TMEM132B: variants seen among roughly 807,000 people sequenced by gnomAD.
TMEM132B encodes the protein transmembrane protein 132B.
In TMEM132B, 18 loss-of-function variants were observed where a neutral mutation model predicts 90.8. The observed-to-expected ratio is 0.20, with a 90% confidence interval of 0.14 to 0.29. The LOEUF (loss-of-function observed/expected upper bound fraction) is 0.29. Among genes scored for constraint, TMEM132B ranks in the 10% least tolerant of loss-of-function variants. The pLI is 1.00. For synonymous variants in TMEM132B, 504 were observed against 523.3 expected (o/e 0.96, Z 0.50); for missense variants, 1,096 against 1,326.8 (o/e 0.83, Z 2.70).
At chr12:125,354,340 C>G (rs1877693356) in intron 2 of TMEM132B, among the ~76,000 whole-genome samples, 1 of 152,232 alleles carries the variant, frequency 6.6e-6, no homozygotes, top group Admixed American at 6.5e-5. Flanking sequence ...TTACCAATCT[C>G]TAACAACTGG....
At chr12:125,591,935 C>T (rs1885327025) in intron 5 of TMEM132B, among the ~76,000 whole-genome samples, 1 of 152,168 alleles carries the variant, frequency 6.6e-6, no homozygotes, top group African/African-American at 2.4e-5. Context: ...AGATCACATT[C>T]ACAGGTGCTG....
chr12:125,274,007 A>G (rs1874920471), intron 1 of TMEM132B, among the ~76,000 whole-genome samples: 1 of 152,074 alleles, frequency 6.6e-6, no homozygotes, highest in African/African-American at 2.4e-5. Flanking sequence ...CCCCAGTCTC[A>G]TTCCCTCTCC....
intron 4 of TMEM132B, among the ~76,000 whole-genome samples, chr12:125,535,666 G>C (rs1883776748): frequency 6.6e-6 from 1 of 152,186 alleles, no homozygotes; most frequent in Non-Finnish European, 1.5e-5. Flanking sequence ...GAAGCTGCTG[G>C]ATTCTTTTCT....
chr12:125,192,595 G>T (rs1441291545), intron 1 of TMEM132B, among the ~76,000 whole-genome samples: 1 of 152,128 alleles, frequency 6.6e-6, no homozygotes, highest in Non-Finnish European at 1.5e-5. Flanking sequence ...CTCTTGCCTT[G>T]GCCTCTCAAA....
At chr12:125,373,501 C>T (rs1878368108) in intron 2 of TMEM132B, among the ~76,000 whole-genome samples, 1 of 152,198 alleles carries the variant, frequency 6.6e-6, no homozygotes, top group African/African-American at 2.4e-5. Flanking sequence ...ACCAGCCATG[C>T]AAACACCTTC....
chr12:125,392,403 A>G (rs377277686), intron 2 of TMEM132B, among the ~76,000 whole-genome samples: 2 of 152,188 alleles, frequency 1.3e-5, no homozygotes, highest in African/African-American at 4.8e-5. Context: ...TTAATGCTCA[A>G]GGCTGCCATC....
At chr12:125,520,284 C>G (rs1243426669) in intron 4 of TMEM132B, among the ~76,000 whole-genome samples, 2 of 152,198 alleles carry the variant, frequency 1.3e-5, no homozygotes, top group Non-Finnish European at 2.9e-5. Context: ...GACAGTAAGT[C>G]CATGGGTACT....
At chr12:125,193,452 C>T (rs1373589858) in intron 1 of TMEM132B, among the ~76,000 whole-genome samples, 2 of 152,090 alleles carry the variant, frequency 1.3e-5, no homozygotes, top group African/African-American at 4.8e-5. Flanking sequence ...GATGAGGAGA[C>T]AAATAAGAAG....
At chr12:125,542,146 A>G (rs1883976095) in intron 4 of TMEM132B, among the ~76,000 whole-genome samples, 1 of 151,626 alleles carries the variant, frequency 6.6e-6, no homozygotes, top group African/African-American at 2.4e-5. Flanking sequence ...TAGAAAAGTT[A>G]GCATGAATTT....
chr12:125,574,852 A>T (rs1291538892), intron 4 of TMEM132B, among the ~76,000 whole-genome samples: 2 of 151,498 alleles, frequency 1.3e-5, no homozygotes, highest in African/African-American at 2.4e-5. Flanking sequence ...GAGCCTTTCT[A>T]CTGATATCTG....
At chr12:125,399,458 AGTGTGT>A (rs139362756) in intron 2 of TMEM132B, among the ~76,000 whole-genome samples, 7 of 132,608 alleles carry the variant, frequency 5.3e-5, no homozygotes, top group South Asian at 2.6e-4. Context: ...TGAAGAAGGA[AGTGTGT>A]GTGTGTGTGT....
In TMEM132B at chr12:125,655,741, T is replaced by C. The variant is rs145037930; in HGVS notation, c.*1031T>C. On this transcript the variant is annotated 3_prime_UTR_variant, in exon 9 of 9. Transcript: ENST00000682704. ...AGAATTGACCTACACAGAAAGGAAATTGCCTAGGCAATAGATGCAGATTAC... is the reference window on the plus strand; with the variant it reads ...AGAATTGACCTACACAGAAAGGAAACTGCCTAGGCAATAGATGCAGATTAC... The C allele has an allele frequency of 3.1e-3, 467 of 152,322 alleles. 2 individuals are homozygous for C. Among genetic ancestry groups the C allele is most frequent in the African/African-American group, 0.01 (427 of 41,588 alleles). 9.4% of individuals were successfully genotyped at this position (152,322 alleles called of 1,614,324 possible).
intron 2 of TMEM132B, among the ~76,000 whole-genome samples, chr12:125,413,563 C>T (rs1393704630): frequency 2.6e-5 from 4 of 152,210 alleles, no homozygotes; most frequent in Non-Finnish European, 2.9e-5. Flanking sequence ...ATGGATTTAC[C>T]TTCTGAATGT....
At chr12:125,435,116 T>G (rs1880663619) in intron 3 of TMEM132B, among the ~76,000 whole-genome samples, 1 of 152,144 alleles carries the variant, frequency 6.6e-6, no homozygotes, top group Admixed American at 6.5e-5. Context: ...GACCACTGTC[T>G]CTTGTTCCCT....
chr12:125,634,325 G>C (rs1345783308), intron 5 of TMEM132B, among the ~76,000 whole-genome samples: 1 of 152,198 alleles, frequency 6.6e-6, no homozygotes, highest in African/African-American at 2.4e-5. Flanking sequence ...CTGCAGGGCA[G>C]TGGGCTCCCC....
At chr12:125,197,797 C>T (rs980018618) in intron 1 of TMEM132B, among the ~76,000 whole-genome samples, 3 of 152,146 alleles carry the variant, frequency 2.0e-5, no homozygotes, top group Non-Finnish European at 2.9e-5. Context: ...TCCAGCTCCT[C>T]GGTATGAGAA....
At chr12:125,300,634 C>T (rs965487926) in intron 1 of TMEM132B, among the ~76,000 whole-genome samples, 28 of 152,214 alleles carry the variant, frequency 1.8e-4, no homozygotes, top group Non-Finnish European at 2.9e-4. Context: ...CTGAGCACAT[C>T]AGGTGACTTG....
chr12:125,281,825 G>C (rs1438520114), intron 1 of TMEM132B, among the ~76,000 whole-genome samples: 2 of 151,790 alleles, frequency 1.3e-5, no homozygotes, highest in Non-Finnish European at 2.9e-5. Context: ...TCAGGAGATC[G>C]AGACCATTCT....
intron 3 of TMEM132B, among the ~76,000 whole-genome samples, chr12:125,497,401 T>G (rs1200607396): frequency 6.6e-6 from 1 of 152,214 alleles, no homozygotes; most frequent in African/African-American, 2.4e-5. Context: ...TTTCATTTAG[T>G]GTGGTCTTGA....
Sources: allele counts gnomAD v4.1 joint callset (sites outside exome capture counted in the v4.1 genomes callset), GRCh38; gene constraint gnomAD v4.1.1; transcripts MANE v1.5; gene names NCBI Gene and HGNC (gene_info 2026-07-23, HGNC 2026-07-21).